The following FAM13B variants were observed in gnomAD, a reference collection of about 807,000 sequenced individuals.
FAM13B encodes protein FAM13B.
Under a neutral mutation model 117.3 loss-of-function variants are expected in FAM13B, and 60 were observed. The observed-to-expected ratio is 0.51, with a 90% CI of 0.42 to 0.63. The LOEUF is 0.63. Among genes scored for constraint, FAM13B ranks in the 30% least tolerant of loss-of-function variants. The pLI, the probability that FAM13B is intolerant of heterozygous loss-of-function variation, is 0.00. For missense variants in FAM13B, 972 were observed against 1,091.9 expected, an observed-to-expected ratio of 0.89 and a Z score of 1.55; for synonymous variants, 332 against 356.1, an observed-to-expected ratio of 0.93 and a Z score of 0.76.
chr5:138,019,177 A>G, intron 2 of FAM13B, 31 bp from the exon 3 acceptor site: 2 of 1,571,774 alleles, frequency 1.3e-6, no homozygotes, highest in Non-Finnish European at 1.7e-6. Flanking sequence ...AAAAAAGACT[A>G]TAATGATTAA....
intron 10 of FAM13B, among the ~76,000 whole-genome samples, chr5:137,978,845 C>T (rs575862707): frequency 1.3e-5 from 2 of 152,330 alleles, no homozygotes; most frequent in South Asian, 2.1e-4. Flanking sequence ...AAGACCTGAA[C>T]ATCTGCTTCA....
intron 4 of FAM13B, among the ~76,000 whole-genome samples, chr5:138,014,601 C>T (rs1784832878): frequency 6.6e-6 from 1 of 152,210 alleles, no homozygotes; most frequent in Admixed American, 6.5e-5. Context: ...AGAGCACTGC[C>T]TAGCACACAG....
Position 137,941,571 on chromosome 5 carries a change from T to C in FAM13B, c.2690+373A>G, listed in dbSNP as rs115284824. 5.2e-3 allele frequency among the ~76,000 whole-genome samples: 785 copies of C among 152,290 alleles called. 5 individuals are homozygous for C. Among genetic ancestry groups the C allele is most frequent in the Non-Finnish European group, 9.1e-3 (620 of 68,026 alleles). ...CAGTATGAACACAATGGTCTCAGTA[T>C]AAAATAAAAAATCCAAACTAGTTAA... On this transcript the variant is annotated intron_variant, in intron 23 of 23. Coordinates refer to ENST00000689681, the MANE Select transcript of FAM13B (RefSeq NM_001385994.1).
intron 7 of FAM13B, among the ~76,000 whole-genome samples, chr5:137,992,457 G>A (rs922080455): frequency 6.6e-6 from 1 of 151,880 alleles, no homozygotes; most frequent in Non-Finnish European, 1.5e-5. Flanking sequence ...AGCCGCGCAT[G>A]GTGACGCATG....
chr5:137,958,609 CAAG>C (rs1767237514), intron 13 of FAM13B, among the ~76,000 whole-genome samples: 1 of 152,190 alleles, frequency 6.6e-6, no homozygotes. Flanking sequence ...GATCTTCATC[CAAG>C]TGAATGAATA....
chr5:137,983,279 G>C (rs910162587), intron 10 of FAM13B, among the ~76,000 whole-genome samples: 2 of 147,038 alleles, frequency 1.4e-5, no homozygotes, highest in African/African-American at 5.1e-5. Flanking sequence ...GTAATTAATT[G>C]AATCAAACCT....
intron 6 of FAM13B, among the ~76,000 whole-genome samples, chr5:138,009,864 A>C (rs1405473335): frequency 2.0e-5 from 3 of 152,130 alleles, no homozygotes; most frequent in Non-Finnish European, 4.4e-5. Context: ...GATTAATAAA[A>C]GCCTGGGCAC....
intron 1 of FAM13B, among the ~76,000 whole-genome samples, chr5:138,050,263 C>A (rs916327696): frequency 6.6e-6 from 1 of 151,952 alleles, no homozygotes; most frequent in African/African-American, 2.4e-5. Context: ...CATGGAGAAA[C>A]CCTGTCCCTA....
At chr5:138,028,602 G>A (rs1221129748) in intron 1 of FAM13B, among the ~76,000 whole-genome samples, 1 of 152,134 alleles carries the variant, frequency 6.6e-6, no homozygotes, top group Non-Finnish European at 1.5e-5. Flanking sequence ...GCAAAAAATG[G>A]CCAAGTGCAG....
chr5:138,012,017 A>G, intron 4 of FAM13B, 72 bp from the exon 5 acceptor site: 3 of 1,045,028 alleles, frequency 2.9e-6, no homozygotes, highest in Middle Eastern at 3.1e-4. Context: ...CCAGGTTCAC[A>G]TTACTCCACC....
At chr5:138,032,604 C>T (rs995420864) in intron 1 of FAM13B, among the ~76,000 whole-genome samples, 178 bp downstream of exon 1, 3 of 152,210 alleles carry the variant, frequency 2.0e-5, no homozygotes, top group African/African-American at 7.2e-5. Flanking sequence ...CTTTCTCCAG[C>T]GGAAAGGGGG....
intron 10 of FAM13B, among the ~76,000 whole-genome samples, chr5:137,976,925 T>C (rs1290786981): frequency 1.3e-5 from 2 of 152,168 alleles, no homozygotes; most frequent in African/African-American, 2.4e-5. Context: ...ATAACAGCAA[T>C]GTTCAGGGAA....
intron 7 of FAM13B, among the ~76,000 whole-genome samples, chr5:138,004,632 A>C (rs1317690321): frequency 6.6e-6 from 1 of 152,210 alleles, no homozygotes; most frequent in Admixed American, 6.5e-5. Flanking sequence ...TTAAATACAC[A>C]CAAGTGGCCG....
At chr5:137,992,608 TA>T (rs1004104028) in intron 7 of FAM13B, among the ~76,000 whole-genome samples, 4 of 149,604 alleles carry the variant, frequency 2.7e-5, no homozygotes, top group Non-Finnish European at 4.5e-5. Context: ...AAATAAAAAA[TA>T]AAAAAAAACC....
At chr5:137,970,849 CAA>C (rs1771891574) in intron 10 of FAM13B, among the ~76,000 whole-genome samples, 1 of 151,832 alleles carries the variant, frequency 6.6e-6, no homozygotes, top group South Asian at 2.1e-4. Flanking sequence ...CAACAAAGAT[CAA>C]AAGAGACAAA....
At chr5:137,990,307 G>GA (rs1778303976) in intron 7 of FAM13B, among the ~76,000 whole-genome samples, 2 of 152,274 alleles carry the variant, frequency 1.3e-5, no homozygotes, top group African/African-American at 2.4e-5. Flanking sequence ...ATGGTGTGGG[G>GA]AAAAATCTAT....
intron 7 of FAM13B, among the ~76,000 whole-genome samples, chr5:137,991,028 C>T (rs1561502699): frequency 6.6e-6 from 1 of 152,070 alleles, no homozygotes; most frequent in East Asian, 1.9e-4. Context: ...AAATCTACCA[C>T]AATTTATCCT....
chr5:137,984,129 T>A (rs942489392), intron 10 of FAM13B, among the ~76,000 whole-genome samples: 1 of 152,228 alleles, frequency 6.6e-6, no homozygotes, highest in African/African-American at 2.4e-5. Context: ...AGGTTTCTGC[T>A]AATCAAGAAA....
chr5:137,985,385 C>A lies in FAM13B; in HGVS notation c.1051G>T (p.Asp351Tyr), dbSNP rs146889696. 13 of 1,613,278 alleles carry A rather than the reference C, an allele frequency of 8.1e-6. No individual in the cohort carries two copies. In the African/African-American group the frequency reaches 1.6e-4, roughly 20 times the overall value. ...GCATTAATAATATCATCAGCAATAT[C>A]AATCCTAGGGATGAAGTTTAAAAAT... is the stretch of plus-strand genomic sequence containing the variant. The part of the protein sequence containing the change: ...CDGEGSNNQI[D>Y]IADDIINASE... Residue 351 changes from aspartate (D) to tyrosine (Y), a missense_variant, in exon 10 of 24, where the codon GAT becomes TAT. Physicochemically the swap from Asp to Tyr is radical, Grantham distance 160. Transcript: ENST00000689681.
Sources: allele counts gnomAD v4.1 joint callset (sites outside exome capture counted in the v4.1 genomes callset), GRCh38; gene constraint gnomAD v4.1.1; transcripts MANE v1.5; gene names NCBI Gene and HGNC (gene_info 2026-07-23, HGNC 2026-07-21).